The following PLCH1 variants were observed in gnomAD, a reference collection of about 807,000 sequenced individuals.
The protein encoded by PLCH1 is phospholipase C eta 1, also known as 1-phosphatidylinositol 4,5-bisphosphate phosphodiesterase eta-1.
Under a neutral mutation model 126.7 loss-of-function variants are expected in PLCH1, and 60 were observed. The ratio of observed to expected loss-of-function variants is 0.47; its 90% CI spans 0.38 to 0.59. The LOEUF is 0.59. Ranked by LOEUF, PLCH1 falls within the 20% of genes least tolerant of loss-of-function variation. The pLI is 0.00. For synonymous variants in PLCH1, 719 were observed against 734.9 expected (o/e 0.98, Z 0.35); for missense variants, 1,723 against 2,040.0 (o/e 0.84, Z 2.99).
At chr3:155,451,822 T>C (rs1392316739) in intron 21 of PLCH1, among the ~76,000 whole-genome samples, 3 of 152,214 alleles carry the variant, frequency 2.0e-5, no homozygotes, top group Non-Finnish European at 4.4e-5. Context: ...TCTTACATCA[T>C]TGGCTTTCCT....
chr3:155,569,659 C>T (rs1282424764), intron 6 of PLCH1, among the ~76,000 whole-genome samples: 3 of 152,136 alleles, frequency 2.0e-5, no homozygotes, highest in Non-Finnish European at 4.4e-5. Flanking sequence ...AGAGATTTGG[C>T]ACATGCAGTC....
chr3:155,676,347 G>A (rs986597376), intron 2 of PLCH1: 1 of 1,069,694 alleles, frequency 9.3e-7, no homozygotes, highest in African/African-American at 1.6e-5. Flanking sequence ...TGGGAATGCA[G>A]GCGCTGTGGC....
Position 155,481,022 on chromosome 3 carries a change from C to A in PLCH1, c.5004G>T (p.Gln1668His). The A allele has an allele frequency of 1.2e-6, 2 of 1,610,384 alleles. No individual in the cohort carries two copies. Among genetic ancestry groups the A allele is most frequent in the South Asian group, 1.1e-5 (1 of 91,004 alleles). ...GTTTATCATCACTGCTTGGCTCAGTCTGCAAAACAGAATTATCTGAACAAA... is the reference window on the plus strand; with the variant it reads ...GTTTATCATCACTGCTTGGCTCAGTATGCAAAACAGAATTATCTGAACAAA... ...DQFCSDNSVL[Q>H]TEPSSDDKPE... Residue 1668 changes from glutamine to histidine, a missense_variant, in exon 23 of 23, where the codon CAG (glutamine) becomes CAT (histidine). This residue lies in a region of PLCH1 where 947 missense variants were observed against 977.1 expected (regional missense o/e 0.97). Transcript: ENST00000460012. The surrounding 1 kb of genome is among the most constrained non-coding windows in gnomAD (Gnocchi z 4.2).
At chr3:155,611,563 A>G (rs996767267) in intron 2 of PLCH1, among the ~76,000 whole-genome samples, 1 of 152,208 alleles carries the variant, frequency 6.6e-6, no homozygotes, top group African/African-American at 2.4e-5. Context: ...CAACAACACA[A>G]TAATACTGTG....
chr3:155,469,986 C>T (rs1345102898), intron 21 of PLCH1, among the ~76,000 whole-genome samples: 2 of 152,188 alleles, frequency 1.3e-5, no homozygotes, highest in East Asian at 3.9e-4. Flanking sequence ...AAAAACAGAA[C>T]AGAAAAACTG....
intron 4 of PLCH1, among the ~76,000 whole-genome samples, chr3:155,590,378 A>G (rs1731972895): frequency 6.6e-6 from 1 of 152,276 alleles, no homozygotes; most frequent in Non-Finnish European, 1.5e-5. Flanking sequence ...GGAGATAGAG[A>G]CCATCCTAGC....
chr3:155,592,505 A>AAC (rs1250479141), intron 4 of PLCH1, among the ~76,000 whole-genome samples: 1 of 151,598 alleles, frequency 6.6e-6, no homozygotes, highest in Non-Finnish European at 1.5e-5. Context: ...CAAAAAAAAA[A>AAC]AAAAAATTGT....
intron 8 of PLCH1, among the ~76,000 whole-genome samples, chr3:155,560,481 C>T (rs1429907251): frequency 3.9e-5 from 6 of 152,120 alleles, no homozygotes; most frequent in Non-Finnish European, 8.8e-5. Flanking sequence ...GTACTCTCTG[C>T]AACTATTGCA....
intron 2 of PLCH1, among the ~76,000 whole-genome samples, chr3:155,631,093 C>A (rs749664011): frequency 1.1e-4 from 17 of 152,122 alleles, no homozygotes; most frequent in Non-Finnish European, 2.5e-4. Context: ...TATTAAAAAT[C>A]AAACTGGTCC....
intron 21 of PLCH1, among the ~76,000 whole-genome samples, chr3:155,469,422 C>G (rs1343015715): frequency 6.6e-6 from 1 of 152,214 alleles, no homozygotes; most frequent in Non-Finnish European, 1.5e-5. Flanking sequence ...CTCGGAGGGT[C>G]CTACGCCCAT....
chr3:155,628,549 C>CT (rs56820929), intron 2 of PLCH1, among the ~76,000 whole-genome samples: 2,623 of 143,376 alleles, frequency 0.018, 60 homozygotes, highest in South Asian at 0.027. Context: ...CTTCACCTCT[C>CT]TTTTTTTTTT....
rs572902786 is a variant in PLCH1 at position 155,588,875 on chromosome 3, T to C, written c.471-2681A>G. 1.8e-4 allele frequency among the ~76,000 whole-genome samples: 27 copies of C among 152,308 alleles called. No individual in the cohort carries two copies. In the South Asian group the frequency reaches 5.4e-3, roughly 30 times the overall value. Reference sequence around the variant, plus strand: ...ATATCAAGGAGCACAACTTTTAACCTTGAAATCCCTTCCAACTCTAAGATT... The same window carrying C: ...ATATCAAGGAGCACAACTTTTAACCCTGAAATCCCTTCCAACTCTAAGATT... On this transcript the variant is annotated intron_variant, in intron 4 of 22. Transcript: ENST00000460012.
chr3:155,666,214 A>C (rs1384685057), intron 2 of PLCH1, among the ~76,000 whole-genome samples: 2 of 152,262 alleles, frequency 1.3e-5, no homozygotes, highest in East Asian at 3.8e-4. Flanking sequence ...ATTGCCCTCC[A>C]GAGAGATGGT....
intron 21 of PLCH1, among the ~76,000 whole-genome samples, chr3:155,451,244 G>C (rs982288115): frequency 6.8e-6 from 1 of 146,644 alleles, no homozygotes; most frequent in African/African-American, 2.7e-5. Context: ...CCTCAATCAA[G>C]AATCATTAAT....
chr3:155,537,119 A>G (rs73013268), intron 10 of PLCH1, among the ~76,000 whole-genome samples: 3,516 of 151,316 alleles, frequency 0.023, 94 homozygotes, highest in African/African-American at 0.065. Flanking sequence ...GACACACGCA[A>G]TAATCCAATT....
intron 9 of PLCH1, among the ~76,000 whole-genome samples, chr3:155,552,346 G>A (rs1046276869): frequency 1.3e-5 from 2 of 152,198 alleles, no homozygotes; most frequent in Non-Finnish European, 2.9e-5. Flanking sequence ...GTAAAAGAAG[G>A]CAAGTAACCA....
chr3:155,499,237 G>A (rs1717534314), intron 14 of PLCH1, among the ~76,000 whole-genome samples: 1 of 152,114 alleles, frequency 6.6e-6, no homozygotes, highest in Non-Finnish European at 1.5e-5. Context: ...CTTTTCGATA[G>A]TTAGATGTTC....
At chr3:155,506,119 T>C (rs191884136) in intron 12 of PLCH1, among the ~76,000 whole-genome samples, 78 of 152,288 alleles carry the variant, frequency 5.1e-4, no homozygotes, top group Admixed American at 1.0e-3. Flanking sequence ...CTAAGGATAA[T>C]GCTAATTGCA....
chr3:155,682,016 G>A (rs933913287), intron 2 of PLCH1, among the ~76,000 whole-genome samples: 1 of 152,152 alleles, frequency 6.6e-6, no homozygotes, highest in African/African-American at 2.4e-5. Flanking sequence ...GGCAATATCT[G>A]GTTCTGAAGC....
Sources: gnomAD v4.1 joint callset for allele counts (sites outside exome capture counted in the v4.1 genomes callset) on GRCh38, gnomAD v4.1.1 for gene constraint, gnomAD v4.1.1 regional missense constraint, Gnocchi (gnomAD v3.1) non-coding constraint, MANE v1.5 for transcripts, NCBI Gene and HGNC (gene_info 2026-07-23, HGNC 2026-07-21) for gene names.